The following CROCC variants were observed in gnomAD, a reference collection of about 807,000 sequenced individuals.
CROCC encodes the protein ciliary rootlet coiled-coil, rootletin.
Under a neutral mutation model 245.2 loss-of-function variants are expected in CROCC, and 180 were observed. The ratio of observed to expected loss-of-function variants is 0.73; its 90% CI spans 0.65 to 0.83. The LOEUF is 0.83. Ranked by LOEUF, CROCC falls within the 40% of genes least tolerant of loss-of-function variation. The pLI, the probability that CROCC is intolerant of heterozygous loss-of-function variation, is 0.00. For missense variants in CROCC, 2,688 were observed against 2,779.4 expected (o/e 0.97, Z 0.74); for synonymous variants, 1,205 against 1,241.6 (o/e 0.97, Z 0.62).
chr1:16,934,878 AT>A (rs147144854), intron 8 of CROCC, among the ~76,000 whole-genome samples: 5,713 of 140,790 alleles, frequency 0.041, no homozygotes, highest in Middle Eastern at 0.053. Flanking sequence ...CATGAGAAGC[AT>A]TATCAGCAGT....
In CROCC at chr1:16,924,538, G is replaced by T. The variant is rs1283220016; in HGVS notation, c.351+59G>T. The T allele has an allele frequency of 3.8e-5, 60 of 1,584,700 alleles. No individual in the cohort carries two copies. In the Middle Eastern group the frequency reaches 8.3e-4, roughly 22 times the overall value. On this transcript the variant is annotated intron_variant, in intron 3 of 36. Coordinates refer to ENST00000375541, the MANE Select transcript of CROCC (RefSeq NM_014675.5). ...GTTCCCCTCGTTCAAGGGCAGGGAG[G>T]CATCTAGACCAGGCCCACACACGGG...
intron 2 of CROCC, among the ~76,000 whole-genome samples, 185 bp from the exon 3 acceptor site, chr1:16,924,140 C>T (rs528875912): frequency 5.2e-5 from 8 of 152,400 alleles, no homozygotes; most frequent in African/African-American, 1.7e-4. Context: ...GTTCACTTTA[C>T]GTCCAGCTTT....
intron 20 of CROCC, among the ~76,000 whole-genome samples, chr1:16,952,150 G>A (rs1163337578): frequency 2.0e-5 from 3 of 148,850 alleles, no homozygotes; most frequent in Non-Finnish European, 4.5e-5. Flanking sequence ...GCCTCCCAAA[G>A]TGCTGGGATT....
chr1:16,940,892 G>A (rs1408161400), intron 13 of CROCC: 12 of 426,034 alleles, frequency 2.8e-5, no homozygotes, highest in Non-Finnish European at 5.7e-5. Flanking sequence ...CCTGGGGAAG[G>A]ATATGGGACC....
intron 1 of CROCC, among the ~76,000 whole-genome samples, chr1:16,915,654 AAAAGG>A (rs368452285): frequency 0.039 from 5,878 of 150,008 alleles, no homozygotes; most frequent in Middle Eastern, 0.055. Context: ...AAAAAAAAAA[AAAAGG>A]AGGAGACAGA....
chr1:16,966,680 A>G lies in CROCC; in HGVS notation c.4860+109A>G, dbSNP rs967559135. ...GTCTGTCTGCCTGAGTCTCTCTGCA[A>G]CCCACTGAGGTGACCAGCCTGTGAC... On this transcript the variant is annotated intron_variant, in intron 30 of 36. Transcript: ENST00000375541. This position sits in a 1 kb window ranked among gnomAD's most constrained non-coding sequence, Gnocchi z 4.8. 2.8e-5 allele frequency: 36 copies of G among 1,300,006 alleles called. No individual in the cohort carries two copies. Among genetic ancestry groups the G allele is most frequent in the Admixed American group, 6.1e-5 (2 of 32,846 alleles). The allele number at this position is 1,300,006 out of a possible 1,614,324, so 80.5% of individuals were successfully genotyped here.
chr1:16,963,223 A>G (rs1427178972), intron 27 of CROCC, among the ~76,000 whole-genome samples: 2 of 148,846 alleles, frequency 1.3e-5, no homozygotes, highest in Admixed American at 6.7e-5. Context: ...AAGCCAAGGT[A>G]GGGGCTAGGG....
At chr1:16,933,265 A>C (rs1356865015) in intron 8 of CROCC, among the ~76,000 whole-genome samples, 4 of 152,274 alleles carry the variant, frequency 2.6e-5, no homozygotes, top group Non-Finnish European at 5.9e-5. Flanking sequence ...CAGGAGTTCG[A>C]GACCAGCCTG....
chr1:16,953,577 GC>G, intron 21 of CROCC, 96 bp downstream of exon 21: 1 of 1,205,890 alleles, frequency 8.3e-7, no homozygotes, highest in Non-Finnish European at 1.1e-6. Context: ...GAGCCCTGGG[GC>G]AGGCCACTGC....
chr1:16,928,684 T>G (rs1212316831), intron 3 of CROCC, among the ~76,000 whole-genome samples: 3 of 151,584 alleles, frequency 2.0e-5, no homozygotes, highest in African/African-American at 4.8e-5. Flanking sequence ...GCACCTGTAG[T>G]CCCAGCTACT....
At position 16,971,595 on chromosome 1, in the gene CROCC, T is replaced by C. The variant is rs757113717; in HGVS notation, c.5915T>C (p.Leu1972Pro). The C allele has an allele frequency of 2.0e-6, 3 of 1,525,456 alleles. No homozygotes were observed. In the South Asian group the frequency reaches 3.6e-5, roughly 18 times the overall value. The allele number at this position is 1,525,456 out of a possible 1,614,324, so 94.5% of individuals were successfully genotyped here. A position where few individuals can be genotyped will look rare whatever the true frequency, so the allele number is the denominator to read the frequency against. ...GCCCAGGCGCAGACTGAGCGCACCC[T>C]GGAGGCTCGGGAGCGGGCCCACCGC... Reference protein sequence around the residue: ...RSAQAQTERTLEARERAHRQR... With the variant: ...RSAQAQTERTPEARERAHRQR... The change falls in exon 36 of 37, where the codon CTG becomes CCG. Residue 1972 changes from leucine (L) to proline (P), a missense_variant. Around this residue, in one of 9 missense-constraint regions of CROCC, gnomAD observed 1,218 missense variants for 1,286.3 expected, o/e 0.95. Transcript: ENST00000375541.
Position 16,940,100 on chromosome 1 carries a change from G to A in CROCC, c.1808+7G>A. The A allele has an allele frequency of 3.8e-6, 6 of 1,595,664 alleles. No individual in the cohort carries two copies. The highest frequency in any genetic ancestry group is 4.3e-6 in the Non-Finnish European group (5 of 1,173,174). On this transcript the variant is annotated splice_region_variant and intron_variant, in intron 13 of 36. Coordinates refer to ENST00000375541, the MANE Select transcript of CROCC (RefSeq NM_014675.5). ...CCAACGAGCTCCTGAGCAGGTGCCG[G>A]GGAGGTCTGAGCTGGGGGGTACTGA...
chr1:16,942,318 A>G (rs1449737462), intron 13 of CROCC, among the ~76,000 whole-genome samples: 3 of 152,282 alleles, frequency 2.0e-5, no homozygotes, highest in Non-Finnish European at 4.4e-5. Flanking sequence ...TTTTAAGACA[A>G]GAAATTATCC....
In CROCC at chr1:16,944,295, T is replaced by C; in HGVS notation, c.1991+13T>C. ...AGCTTGAGCGCAGGTGAGCAGCATC[T>C]CGCCACCCTGCCAGGACCCTTCAGA... On this transcript the variant is annotated intron_variant, in intron 14 of 36. Coordinates refer to ENST00000375541, the MANE Select transcript of CROCC (RefSeq NM_014675.5). 1 of 1,524,422 alleles carries C rather than the reference T, an allele frequency of 6.6e-7. No individual in the cohort carries two copies. The highest frequency in any genetic ancestry group is 2.5e-5 in the East Asian group (1 of 40,596). The allele number at this position is 1,524,422 out of a possible 1,614,324, so 94.4% of individuals were successfully genotyped here.
At chr1:16,922,926 C>A in intron 2 of CROCC, 128 bp downstream of exon 2, 1 of 1,346,084 alleles carries the variant, frequency 7.4e-7, no homozygotes, top group Non-Finnish European at 1.0e-6. Context: ...AGCTTTATGA[C>A]AGAAGAACCC....
chr1:16,926,001 G>GC (rs1417229489), intron 3 of CROCC, among the ~76,000 whole-genome samples: 1 of 152,282 alleles, frequency 6.6e-6, no homozygotes, highest in Non-Finnish European at 1.5e-5. Flanking sequence ...AGCTAGCCCT[G>GC]CCCCCAGGTT....
intron 13 of CROCC, among the ~76,000 whole-genome samples, chr1:16,943,697 G>A (rs1216690974): frequency 1.3e-5 from 2 of 152,408 alleles, no homozygotes; most frequent in Non-Finnish European, 2.9e-5. Flanking sequence ...GGAAGCTGTG[G>A]GATCTGCAGA....
At chr1:16,962,869 G>A (rs923708000) in intron 27 of CROCC, among the ~76,000 whole-genome samples, 3 of 151,520 alleles carry the variant, frequency 2.0e-5, no homozygotes, top group African/African-American at 7.3e-5. Flanking sequence ...AATTCATGCC[G>A]CTCAGTTGTA....
rs763623893 is a variant in CROCC at position 16,929,944 on chromosome 1, G to A, written c.450G>A (p.Glu150=). 8.2e-5 allele frequency: 130 copies of A among 1,587,514 alleles called. No homozygotes were observed. The highest frequency in any genetic ancestry group is 1.0e-4 in the Non-Finnish European group (121 of 1,170,280). ...QSVELRRQLQ[E]EQASYRRKLQ... The stretch of plus-strand genomic sequence containing the variant: ...TGGAGTTGCGGAGGCAGCTGCAGGA[G>A]GAGCAGGCCTCCTACCGGCGCAAGC... Residue 150 remains glutamate (E), a synonymous_variant, in exon 4 of 37, where the codon GAG becomes GAA. Transcript: ENST00000375541.
Sources: gnomAD v4.1 joint callset for allele counts (sites outside exome capture counted in the v4.1 genomes callset) on GRCh38, gnomAD v4.1.1 for gene constraint, gnomAD v4.1.1 regional missense constraint, Gnocchi (gnomAD v3.1) non-coding constraint, MANE v1.5 for transcripts, NCBI Gene and HGNC (gene_info 2026-07-23, HGNC 2026-07-21) for gene names.